Variants in CUX2 observed in about 807,000 individuals in gnomAD.
CUX2 encodes homeobox protein cut-like 2.
A neutral mutation model predicts 144.8 loss-of-function variants in CUX2; 40 were observed. The ratio of observed to expected loss-of-function variants is 0.28; its 90% CI spans 0.21 to 0.36. The LOEUF is 0.36. Ranked by LOEUF, CUX2 falls within the 10% of genes least tolerant of loss-of-function variation. The pLI is 1.00. For missense variants in CUX2, 1,615 were observed against 1,994.0 expected, an observed-to-expected ratio of 0.81 and a Z score of 3.62; for synonymous variants, 827 against 875.6, an observed-to-expected ratio of 0.94 and a Z score of 0.98.
chr12:111,281,874 C>T (rs952396241), intron 4 of CUX2, among the ~76,000 whole-genome samples: 4 of 151,918 alleles, frequency 2.6e-5, no homozygotes, highest in African/African-American at 9.7e-5. Flanking sequence ...AAGGAGGAGG[C>T]GGGATGCTGG....
rs1055295099 is a variant in CUX2, at chr12:111,293,272, A to C, written c.437-174A>C. Reference sequence around the variant, plus strand: ...TGCTGACGCTGGTGCCACAGTGGAAATGACCTGTGTGCTGAGGACATGCGG... The same window carrying C: ...TGCTGACGCTGGTGCCACAGTGGAACTGACCTGTGTGCTGAGGACATGCGG... On this transcript the variant is annotated intron_variant, in intron 5 of 21. Coordinates refer to ENST00000261726, the MANE Select transcript of CUX2 (RefSeq NM_015267.4). The surrounding 1 kb of genome is among the most constrained non-coding windows in gnomAD (Gnocchi z 4.5). Among the ~76,000 whole-genome samples the C allele has an allele frequency of 6.6e-6, 1 of 152,268 alleles. No individual in the cohort carries two copies. The highest frequency in any genetic ancestry group is 1.5e-5 in the Non-Finnish European group (1 of 68,034).
At chr12:111,096,977 G>GA (rs566833194) in intron 1 of CUX2, among the ~76,000 whole-genome samples, 21 of 147,150 alleles carry the variant, frequency 1.4e-4, no homozygotes, top group East Asian at 7.9e-4. Flanking sequence ...GCTCCATCAA[G>GA]AAAAAAAAAA....
rs548007873 is a variant in CUX2 at position 111,276,627 on chromosome 12, TTTTG to T, written c.301+12808_301+12811del. On this transcript the variant is annotated intron_variant, in intron 4 of 21. Coordinates refer to ENST00000261726, the MANE Select transcript of CUX2 (RefSeq NM_015267.4). ...GTGATAGCTCACGTAGTTGTTTCCT[TTTTG>T]TTTGTTTGTTTGTTTGTTTTGTTTT... 3.0e-3 allele frequency among the ~76,000 whole-genome samples: 451 copies of T among 151,204 alleles called. 5 individuals carry two copies. Among genetic ancestry groups the T allele is most frequent in the African/African-American group, 8.8e-3 (357 of 40,790 alleles).
Position 111,349,401 on chromosome 12 carries a change from T to C in CUX2, c.*1076T>C, listed in dbSNP as rs1471573980. ...GAAAGTGACAGTGTTGGTCATCCCA[T>C]GACCACTGAAGCTTAGTAACCAGCG... On this transcript the variant is annotated 3_prime_UTR_variant, in exon 22 of 22. Coordinates refer to ENST00000261726, the MANE Select transcript of CUX2 (RefSeq NM_015267.4). The C allele has an allele frequency of 6.6e-6, 1 of 152,234 alleles. No individual in the cohort carries two copies. The highest frequency in any genetic ancestry group is 2.4e-5 in the African/African-American group (1 of 41,460). 9.4% of individuals were successfully genotyped at this position (152,234 alleles called of 1,614,324 possible).
intron 1 of CUX2, among the ~76,000 whole-genome samples, chr12:111,159,709 T>A (rs1460187066): frequency 2.6e-5 from 4 of 152,192 alleles, no homozygotes; most frequent in Non-Finnish European, 4.4e-5. Context: ...TAGGCAAGCA[T>A]GCAAGTGCAG....
chr12:111,228,221 T>G (rs1200315433), intron 3 of CUX2, among the ~76,000 whole-genome samples: 1 of 152,068 alleles, frequency 6.6e-6, no homozygotes, highest in East Asian at 1.9e-4. Flanking sequence ...TATAGCACAG[T>G]GGTTAGGAGT....
At chr12:111,288,900 T>G (rs1377100444) in intron 4 of CUX2, among the ~76,000 whole-genome samples, 1 of 151,856 alleles carries the variant, frequency 6.6e-6, no homozygotes, top group African/African-American at 2.4e-5. Flanking sequence ...GAGGCGGAGG[T>G]TACAGTGAGC....
At chr12:111,109,693 C>T (rs1873821052) in intron 1 of CUX2, among the ~76,000 whole-genome samples, 1 of 152,150 alleles carries the variant, frequency 6.6e-6, no homozygotes, top group African/African-American at 2.4e-5. Flanking sequence ...CAGGTTGGGG[C>T]ATTTTTGGTA....
At chr12:111,162,225 C>A (rs74519792) in intron 1 of CUX2, among the ~76,000 whole-genome samples, 2,336 of 152,342 alleles carry the variant, frequency 0.015, 63 homozygotes, top group African/African-American at 0.053. Context: ...TGGCCACCAG[C>A]CCCTGCCTTC....
At chr12:111,338,571 G>A in intron 20 of CUX2, 97 bp downstream of exon 20, 1 of 1,205,138 alleles carries the variant, frequency 8.3e-7, no homozygotes, top group African/African-American at 1.5e-5. Context: ...GGCTCCCATG[G>A]TCCAGTCTCA....
chr12:111,071,542 T>C (rs1439766914), intron 1 of CUX2, among the ~76,000 whole-genome samples: 1 of 152,212 alleles, frequency 6.6e-6, no homozygotes, highest in Non-Finnish European at 1.5e-5. Context: ...TGGCAAATAT[T>C]TTCTCCCAGT....
At chr12:111,134,614 C>CTGTGTGTGTG (rs1159711656) in intron 1 of CUX2, among the ~76,000 whole-genome samples, 13 of 144,270 alleles carry the variant, frequency 9.0e-5, no homozygotes, top group African/African-American at 3.8e-4. Context: ...CTCTCTCTCT[C>CTGTGTGTGTG]TCTCTCTGTG....
chr12:111,156,933 C>T (rs1481027987), intron 1 of CUX2, among the ~76,000 whole-genome samples: 4 of 132,896 alleles, frequency 3.0e-5, no homozygotes, highest in African/African-American at 9.1e-5. Context: ...CTGCAGTGAG[C>T]CAAGATTGTG....
At position 111,329,564 on chromosome 12, in the gene CUX2, G is replaced by A. The variant is rs868726819; in HGVS notation, c.2927-4877G>A. ...TTCGCTTCGCTTCTTGGCCCTCTAG[G>A]TTGGGACATGGGTGCAGATAGTTTT... On this transcript the variant is annotated intron_variant, in intron 18 of 21. Transcript: ENST00000261726. Among the ~76,000 whole-genome samples the A allele has an allele frequency of 5.9e-5, 9 of 152,106 alleles. No individual in the cohort carries two copies. The South Asian group carries it at 6.2e-4, about 10-fold the overall frequency.
At chr12:111,274,743 G>T (rs891127480) in intron 4 of CUX2, among the ~76,000 whole-genome samples, 2 of 152,210 alleles carry the variant, frequency 1.3e-5, no homozygotes, top group Non-Finnish European at 2.9e-5. Flanking sequence ...GGCGCCCGGA[G>T]CCTGGGCCCA....
chr12:111,260,192 C>T (rs1196479718), intron 3 of CUX2, among the ~76,000 whole-genome samples: 1 of 147,212 alleles, frequency 6.8e-6, no homozygotes, highest in Non-Finnish European at 1.5e-5. Flanking sequence ...TTGCCGGGCG[C>T]GGTGGCTCAC....
At chr12:111,318,076 A>G (rs1887285054) in intron 16 of CUX2, among the ~76,000 whole-genome samples, 1 of 151,072 alleles carries the variant, frequency 6.6e-6, no homozygotes, top group South Asian at 2.1e-4. Flanking sequence ...TGTTGTTGTT[A>G]TTGTTGTTGT....
rs1870765985 is a variant in CUX2, at chr12:111,061,304, T to A, written c.63+27064T>A. ...CATCCTTTGCTCTCCTTTCTTCCTA[T>A]TTTTATTCCTGTTTGAGTCACTATG... On this transcript the variant is annotated intron_variant, in intron 1 of 21. Coordinates refer to ENST00000261726, the MANE Select transcript of CUX2 (RefSeq NM_015267.4). The surrounding 1 kb of genome is among the most constrained non-coding windows in gnomAD (Gnocchi z 4.2). 6.6e-6 allele frequency among the ~76,000 whole-genome samples: 1 copy of A among 152,170 alleles called. No homozygotes were observed. Among genetic ancestry groups the A allele is most frequent in the Non-Finnish European group, 1.5e-5 (1 of 68,032 alleles).
intron 1 of CUX2, among the ~76,000 whole-genome samples, chr12:111,189,030 A>T (rs1177666486): frequency 1.3e-5 from 2 of 152,146 alleles, no homozygotes; most frequent in Non-Finnish European, 2.9e-5. Context: ...ACAAAATCCC[A>T]ACACTTTGGG....
Sources: allele counts gnomAD v4.1 joint callset (sites outside exome capture counted in the v4.1 genomes callset), GRCh38; gene constraint gnomAD v4.1.1; non-coding constraint Gnocchi (gnomAD v3.1); transcripts MANE v1.5; gene names NCBI Gene and HGNC (gene_info 2026-07-23, HGNC 2026-07-21).